Variants in SLC38A10 observed in about 807,000 individuals in gnomAD.
The protein encoded by SLC38A10 is Sodium-coupled neutral amino acid transporter 10.
A neutral mutation model predicts 81.0 loss-of-function variants in SLC38A10; 53 were observed. The ratio of observed to expected loss-of-function variants is 0.65; its 90% CI spans 0.53 to 0.82. The LOEUF is 0.82. Ranked by LOEUF, SLC38A10 falls within the 40% of genes least tolerant of loss-of-function variation. The probability of loss-of-function intolerance (pLI) is 0.00; values close to 1 mark genes in which losing one functional copy is unlikely to be tolerated. For missense variants in SLC38A10, 1,471 were observed against 1,545.0 expected, an observed-to-expected ratio of 0.95 and a Z score of 0.80; for synonymous variants, 665 against 655.3, an observed-to-expected ratio of 1.01 and a Z score of -0.23.
At chr17:81,261,149 G>C (rs909029524) in intron 10 of SLC38A10, among the ~76,000 whole-genome samples, 4 of 152,204 alleles carry the variant, frequency 2.6e-5, no homozygotes, top group Admixed American at 2.0e-4. Flanking sequence ...CCGCTCCCCG[G>C]CCAATCGTAA....
At position 81,276,894 on chromosome 17, in the gene SLC38A10, A is replaced by C. The variant is rs2063166950; in HGVS notation, c.729+137T>G. Reference sequence around the variant, plus strand: ...TGCCCCAGGTCCCCGCGCAGCCTCCAGACACTGGGATGGGAACAGAGAGAA... The same window carrying C: ...TGCCCCAGGTCCCCGCGCAGCCTCCCGACACTGGGATGGGAACAGAGAGAA... On this transcript the variant is annotated intron_variant, in intron 7 of 15. Transcript: ENST00000374759. This position sits in a 1 kb window ranked among gnomAD's most constrained non-coding sequence, Gnocchi z 4.7. 1.2e-6 allele frequency: 1 copy of C among 822,322 alleles called. No homozygotes were observed. The highest frequency in any genetic ancestry group is 2.2e-5 in the Admixed American group (1 of 45,498). The allele number at this position is 822,322 out of a possible 1,614,324, so 50.9% of individuals were successfully genotyped here. A position where few individuals can be genotyped will look rare whatever the true frequency, so the allele number is the denominator to read the frequency against.
chr17:81,260,708 C>T (rs1040497386), intron 10 of SLC38A10, among the ~76,000 whole-genome samples: 1 of 152,234 alleles, frequency 6.6e-6, no homozygotes, highest in African/African-American at 2.4e-5. Flanking sequence ...TCCATGCCAG[C>T]TGGGGTCATG....
chr17:81,258,697 G>C (rs973925422), intron 11 of SLC38A10, among the ~76,000 whole-genome samples: 1 of 152,162 alleles, frequency 6.6e-6, no homozygotes, highest in Admixed American at 6.5e-5. Flanking sequence ...GTCTAGCCCA[G>C]AGGCCTGGAC....
At position 81,295,132 on chromosome 17, in the gene SLC38A10, G is replaced by C. The variant is rs568057818; in HGVS notation, c.-211C>G. 1,403 of 848,596 alleles carry C rather than the reference G, an allele frequency of 1.7e-3. 19 individuals carry two copies. In the African/African-American group the frequency reaches 0.022, roughly 14 times the overall value. 52.6% of individuals were successfully genotyped at this position (848,596 alleles called of 1,614,324 possible). A position where few individuals can be genotyped will look rare whatever the true frequency, so the allele number is the denominator to read the frequency against. ...GGAGGCAGCCTCGAAGGCCGGCTGCGGGGGCGAGGTCAACCTCCGGACCCC... is the reference window on the plus strand; with the variant it reads ...GGAGGCAGCCTCGAAGGCCGGCTGCCGGGGCGAGGTCAACCTCCGGACCCC... On this transcript the variant is annotated 5_prime_UTR_variant, in exon 1 of 16. Transcript: ENST00000374759.
At position 81,276,622 on chromosome 17, in the gene SLC38A10, CCTCATGAT is replaced by C. The variant is rs989943521; in HGVS notation, c.729+401_729+408del. The stretch of plus-strand genomic sequence containing the variant: ...GGCCAGGCTGGTCTTGAACTCCTGA[CCTCATGAT>C]CTGCCCACCTCGGTCTCCCAAAGTG... On this transcript the variant is annotated intron_variant, in intron 7 of 15. Transcript: ENST00000374759. This position sits in a 1 kb window ranked among gnomAD's most constrained non-coding sequence, Gnocchi z 4.7. Among the ~76,000 whole-genome samples the C allele has an allele frequency of 6.6e-6, 1 of 152,136 alleles. No homozygotes were observed. Among genetic ancestry groups the C allele is most frequent in the African/African-American group, 2.4e-5 (1 of 41,414 alleles).
At chr17:81,280,896 G>A (rs929400805) in intron 5 of SLC38A10, among the ~76,000 whole-genome samples, 163 bp from the exon 6 acceptor site, 3 of 147,802 alleles carry the variant, frequency 2.0e-5, no homozygotes, top group African/African-American at 4.9e-5. Context: ...GCCTTGTGCC[G>A]CCAGCTGGAG....
In SLC38A10 at chr17:81,265,800, C is replaced by T. The variant is rs190081884; in HGVS notation, c.1131+5118G>A. On this transcript the variant is annotated intron_variant, in intron 10 of 15. Coordinates refer to ENST00000374759, the MANE Select transcript of SLC38A10 (RefSeq NM_001037984.3). The surrounding 1 kb of genome is among the most constrained non-coding windows in gnomAD (Gnocchi z 4.2). Reference sequence around the variant, plus strand: ...ACCTAAGGAAACAGGGCATGCTGAGCGGATGGCACACGGTGGTCCGCTGGC... The same window carrying T: ...ACCTAAGGAAACAGGGCATGCTGAGTGGATGGCACACGGTGGTCCGCTGGC... Among the ~76,000 whole-genome samples, 352 of 152,324 alleles carry T rather than the reference C, an allele frequency of 2.3e-3. 4 individuals are homozygous for T. Among genetic ancestry groups the T allele is most frequent in the African/African-American group, 8.1e-3 (338 of 41,574 alleles).
intron 10 of SLC38A10, among the ~76,000 whole-genome samples, chr17:81,269,281 A>C (rs2063094618): frequency 6.6e-6 from 1 of 152,192 alleles, no homozygotes. Flanking sequence ...TGGGAGGCTG[A>C]GGCGGGTGGA....
rs1191842788 is a variant in SLC38A10, at chr17:81,253,823, TCAC to T, written c.1289-586_1289-584del. ...ACCATCATCATCACCGTCACCATCA[TCAC>T]CATCACCGCTATCATCACCACCATC... is the stretch of plus-strand genomic sequence containing the variant. On this transcript the variant is annotated intron_variant, in intron 11 of 15. Coordinates refer to ENST00000374759, the MANE Select transcript of SLC38A10 (RefSeq NM_001037984.3). The surrounding 1 kb of genome is among the most constrained non-coding windows in gnomAD (Gnocchi z 4.1). 7.1e-6 allele frequency among the ~76,000 whole-genome samples: 1 copy of T among 140,032 alleles called. No homozygotes were observed. The highest frequency in any genetic ancestry group is 2.3e-4 in the South Asian group (1 of 4,314). The allele number at this position is 140,032 out of a possible 152,430, so 91.9% of individuals were successfully genotyped here. A position where few individuals can be genotyped will look rare whatever the true frequency, so the allele number is the denominator to read the frequency against.
At chr17:81,292,746 A>C (rs940148135) in intron 1 of SLC38A10, among the ~76,000 whole-genome samples, 4 of 152,204 alleles carry the variant, frequency 2.6e-5, no homozygotes, top group African/African-American at 9.7e-5. Context: ...CAGGTGGTCC[A>C]AGGCTCGAGA....
rs368147926 is a variant in SLC38A10, at chr17:81,245,730, A to G, written c.3186T>C (p.Gly1062=). The change falls in exon 16 of 16, where the codon GGT becomes GGC. Residue 1062 remains glycine, a synonymous_variant. Coordinates refer to ENST00000374759, the MANE Select transcript of SLC38A10 (RefSeq NM_001037984.3). ...RRRDLGPHAE[G]QLAPRDGVII... ...TGACCCCATCCCTCGGGGCCAGCTG[A>G]CCCTCTGCATGAGGGCCAAGGTCCC... The G allele has an allele frequency of 1.0e-4, 161 of 1,596,972 alleles. 1 individual carries two copies. In the African/African-American group the frequency reaches 2.0e-3, roughly 20 times the overall value.
intron 14 of SLC38A10, chr17:81,247,359 C>A (rs1028893065): frequency 1.0e-5 from 3 of 294,002 alleles, no homozygotes; most frequent in Admixed American, 5.1e-5. Context: ...CTGGCTGTGC[C>A]CCAGGCGCAC....
At position 81,275,707 on chromosome 17, in the gene SLC38A10, G is replaced by A. The variant is rs1007780899; in HGVS notation, c.912+262C>T. Among the ~76,000 whole-genome samples the A allele has an allele frequency of 7.4e-5, 8 of 108,410 alleles. 1 individual carries two copies. Among genetic ancestry groups the A allele is most frequent in the Non-Finnish European group, 1.2e-4 (7 of 56,388 alleles). The allele number at this position is 108,410 out of a possible 152,430, so 71.1% of individuals were successfully genotyped here. A position where few individuals can be genotyped will look rare whatever the true frequency, so the allele number is the denominator to read the frequency against. On this transcript the variant is annotated intron_variant, in intron 8 of 15. Transcript: ENST00000374759. ...AGATCGCGCCACTGCACTCCAGCCT[G>A]GGCGACAGAGCGAAACTCCGTCTCA...
rs1217693407 is a variant in SLC38A10, at chr17:81,276,482, T to C, written c.730-331A>G. Among the ~76,000 whole-genome samples the C allele has an allele frequency of 6.6e-6, 1 of 150,552 alleles. No homozygotes were observed. The highest frequency in any genetic ancestry group is 2.5e-5 in the African/African-American group (1 of 40,740). ...CCTCGGCGTACCTCTGCCTCCCCGG[T>C]CCTGGTTCAAGCAATTCTCCTGCCT... On this transcript the variant is annotated intron_variant, in intron 7 of 15. Coordinates refer to ENST00000374759, the MANE Select transcript of SLC38A10 (RefSeq NM_001037984.3). This position sits in a 1 kb window ranked among gnomAD's most constrained non-coding sequence, Gnocchi z 4.7.
rs961328301 is a variant in SLC38A10, at chr17:81,283,914, G to C, written c.264-412C>G. Reference sequence around the variant, plus strand: ...CGTGAGCCACTGTGCCTGGCCAACAGATGTGATTTCAAACGCGCCCCAGTT... The same window carrying C: ...CGTGAGCCACTGTGCCTGGCCAACACATGTGATTTCAAACGCGCCCCAGTT... On this transcript the variant is annotated intron_variant, in intron 3 of 15. Coordinates refer to ENST00000374759, the MANE Select transcript of SLC38A10 (RefSeq NM_001037984.3). This position sits in a 1 kb window ranked among gnomAD's most constrained non-coding sequence, Gnocchi z 4.7. Among the ~76,000 whole-genome samples the C allele has an allele frequency of 3.3e-5, 5 of 150,864 alleles. No homozygotes were observed. The East Asian group carries it at 1.0e-3, about 30-fold the overall frequency.
intron 11 of SLC38A10, among the ~76,000 whole-genome samples, chr17:81,254,842 C>T (rs372186394): frequency 7.0e-4 from 107 of 152,286 alleles, no homozygotes; most frequent in African/African-American, 2.3e-3. Flanking sequence ...AGGCCCCATG[C>T]GGAAACAAGC....
rs909434282 is a variant in SLC38A10, at chr17:81,280,284, C to T, written c.626+325G>A. 2.2e-5 allele frequency: 10 copies of T among 464,258 alleles called. 1 individual carries two copies. The highest frequency in any genetic ancestry group is 3.9e-5 in the South Asian group (2 of 51,636). 28.8% of individuals were successfully genotyped at this position (464,258 alleles called of 1,614,324 possible). On this transcript the variant is annotated intron_variant, in intron 6 of 15. Transcript: ENST00000374759. The stretch of plus-strand genomic sequence containing the variant: ...TATTCTCAGAACAGCTAAATTCTGG[C>T]GAAGCGCTCGACTCTGTGCAGTCAG...
rs1467210734 is a variant in SLC38A10 at position 81,245,706 on chromosome 17, GA to G, written c.3209del (p.Val1070AlafsTer13). On this transcript the variant is annotated frameshift_variant, in exon 16 of 16. Coordinates refer to ENST00000374759, the MANE Select transcript of SLC38A10 (RefSeq NM_001037984.3). LOFTEE classifies it low-confidence loss of function (END_TRUNC). ...CAGGCAGGGGGTTAAGGCCAATGAT[GA>G]CCCCATCCCTCGGGGCCAGCTGACC... ...AEGQLAPRDG[V>X]IIGLNPLPDV... is the part of the protein sequence containing the mutation. The G allele has an allele frequency of 2.6e-6, 4 of 1,539,192 alleles. No individual in the cohort carries two copies. The highest frequency in any genetic ancestry group is 8.8e-7 in the Non-Finnish European group (1 of 1,136,042).
chr17:81,289,035 A>T lies in SLC38A10; in HGVS notation c.217+656T>A, dbSNP rs868641001. 1 of 152,224 alleles carries T rather than the reference A, an allele frequency of 6.6e-6. No individual in the cohort carries two copies. The highest frequency in any genetic ancestry group is 2.4e-5 in the African/African-American group (1 of 41,426). 9.4% of individuals were successfully genotyped at this position (152,224 alleles called of 1,614,324 possible). On this transcript the variant is annotated intron_variant, in intron 2 of 15. Transcript: ENST00000374759. This position sits in a 1 kb window ranked among gnomAD's most constrained non-coding sequence, Gnocchi z 5.9. ...CACTCCAATTTTGAAGCATGTGATT[A>T]TAACAGGTTTTTCTTTTTTTTTCCA... is the stretch of plus-strand genomic sequence containing the variant.
Sources: gnomAD v4.1 joint callset for allele counts (sites outside exome capture counted in the v4.1 genomes callset) on GRCh38, gnomAD v4.1.1 for gene constraint, Gnocchi (gnomAD v3.1) non-coding constraint, MANE v1.5 for transcripts, NCBI Gene and HGNC (gene_info 2026-07-23, HGNC 2026-07-21) for gene names.